Variants in PDE3A observed in about 807,000 individuals in gnomAD.
PDE3A encodes the protein cGMP-inhibited 3',5'-cyclic phosphodiesterase 3A.
Under a neutral mutation model 98.3 loss-of-function variants are expected in PDE3A, and 43 were observed. That is an observed-to-expected ratio of 0.44 (90% CI 0.34 to 0.56). The LOEUF (loss-of-function observed/expected upper bound fraction) is 0.56, where lower values mean the gene tolerates loss of function less well. Ranked by LOEUF, PDE3A falls within the 20% of genes least tolerant of loss-of-function variation. The probability of loss-of-function intolerance (pLI) is 0.01; values close to 1 mark genes in which losing one functional copy is unlikely to be tolerated. For synonymous variants in PDE3A, 663 were observed against 567.9 expected (o/e 1.17, Z -2.38); for missense variants, 1,427 against 1,440.7 (o/e 0.99, Z 0.15).
intron 1 of PDE3A, among the ~76,000 whole-genome samples, chr12:20,396,160 T>C (rs969127488): frequency 6.6e-6 from 1 of 152,134 alleles, no homozygotes; most frequent in Non-Finnish European, 1.5e-5. Flanking sequence ...AAAACCCTCA[T>C]AGCTCCCCAA....
intron 2 of PDE3A, among the ~76,000 whole-genome samples, chr12:20,558,727 T>A (rs1942435508): frequency 1.4e-5 from 2 of 145,864 alleles, no homozygotes; most frequent in Admixed American, 1.4e-4. Flanking sequence ...ATAACAATAA[T>A]GTTTTCATGT....
intron 6 of PDE3A, 123 bp from the exon 7 acceptor site, chr12:20,633,569 CA>C: frequency 1.9e-6 from 1 of 517,928 alleles, no homozygotes; most frequent in South Asian, 3.4e-5. Flanking sequence ...TTTCACAAAA[CA>C]AATAAGCAGA....
At chr12:20,520,880 G>C (rs984966841) in intron 1 of PDE3A, among the ~76,000 whole-genome samples, 4 of 152,162 alleles carry the variant, frequency 2.6e-5, no homozygotes, top group Non-Finnish European at 5.9e-5. Flanking sequence ...ACCCACTTGG[G>C]ACTCATGCTG....
At position 20,681,734 on chromosome 12, in the gene PDE3A, T is replaced by G. The variant is rs1222233194; in HGVS notation, c.*1463T>G. 1 of 152,104 alleles carries G rather than the reference T, an allele frequency of 6.6e-6. No individual in the cohort carries two copies. The allele number at this position is 152,104 out of a possible 1,614,324, so 9.4% of individuals were successfully genotyped here. A position where few individuals can be genotyped will look rare whatever the true frequency, so the allele number is the denominator to read the frequency against. On this transcript the variant is annotated 3_prime_UTR_variant, in exon 16 of 16. Transcript: ENST00000359062. Reference sequence around the variant, plus strand: ...TATTGAAAGTCTTTTTTTTTGTTTGTTTTGTTTTGGTTTGTTTGTTTATCT... The same window carrying G: ...TATTGAAAGTCTTTTTTTTTGTTTGGTTTGTTTTGGTTTGTTTGTTTATCT...
At position 20,574,317 on chromosome 12, in the gene PDE3A, G is replaced by T. The variant is rs149799794; in HGVS notation, c.1011+17607G>T. The stretch of plus-strand genomic sequence containing the variant: ...ATTACACATTTTAAAGTATAGTCCT[G>T]CAGGACTTCACATTAACTGAAATCA... On this transcript the variant is annotated intron_variant, in intron 2 of 15. Transcript: ENST00000359062. Among the ~76,000 whole-genome samples the T allele has an allele frequency of 6.0e-4, 92 of 152,178 alleles. No individual in the cohort carries two copies. The East Asian group carries it at 0.017, about 28-fold the overall frequency.
chr12:20,555,174 C>A (rs1378389274), intron 1 of PDE3A, among the ~76,000 whole-genome samples: 1 of 152,104 alleles, frequency 6.6e-6, no homozygotes, highest in Non-Finnish European at 1.5e-5. Flanking sequence ...CAGGTGCACA[C>A]TACCACGCCT....
chr12:20,572,665 G>A (rs534501399), intron 2 of PDE3A, among the ~76,000 whole-genome samples: 8 of 152,130 alleles, frequency 5.3e-5, no homozygotes, highest in Admixed American at 5.2e-4. Context: ...GAAGGAAAAT[G>A]AAATATATAA....
chr12:20,478,081 G>T (rs1158563204), intron 1 of PDE3A, among the ~76,000 whole-genome samples: 1 of 152,152 alleles, frequency 6.6e-6, no homozygotes, highest in Non-Finnish European at 1.5e-5. Context: ...TTCCAAAATA[G>T]TCTGTCAACA....
intron 1 of PDE3A, among the ~76,000 whole-genome samples, chr12:20,447,994 A>G (rs955690330): frequency 3.9e-5 from 6 of 152,202 alleles, no homozygotes; most frequent in Admixed American, 3.9e-4. Context: ...GTGTGAGAGT[A>G]GGAGAAACAA....
In PDE3A at chr12:20,400,415, T is replaced by G. The variant is rs1430863368; in HGVS notation, c.960+30171T>G. 2.6e-3 allele frequency among the ~76,000 whole-genome samples: 133 copies of G among 51,306 alleles called. 4 individuals carry two copies. The highest frequency in any genetic ancestry group is 7.6e-3 in the African/African-American group (130 of 17,050). The allele number at this position is 51,306 out of a possible 152,430, so 33.7% of individuals were successfully genotyped here. The stretch of plus-strand genomic sequence containing the variant: ...TTTTTTTTTTTTTTTTTTTTTTTTT[T>G]TTTTTTTTTGAGATGGAGTCTCGAT... On this transcript the variant is annotated intron_variant, in intron 1 of 15. Coordinates refer to ENST00000359062, the MANE Select transcript of PDE3A (RefSeq NM_000921.5).
At chr12:20,583,994 G>C (rs1943133757) in intron 2 of PDE3A, among the ~76,000 whole-genome samples, 1 of 152,184 alleles carries the variant, frequency 6.6e-6, no homozygotes. Flanking sequence ...CAGGTTCAGA[G>C]AGAGCCATCT....
chr12:20,551,780 C>T lies in PDE3A; in HGVS notation c.961-4880C>T, dbSNP rs553833334. On this transcript the variant is annotated intron_variant, in intron 1 of 15. Transcript: ENST00000359062. ...CGGCTGAGAGAGAGCAAGAAGAAGG[C>T]GAAGATGGCCTCGGCCACATCGTCC... 6 of 1,613,818 alleles carry T rather than the reference C, an allele frequency of 3.7e-6. No homozygotes were observed. The East Asian group carries it at 1.3e-4, about 36-fold the overall frequency.
chr12:20,582,276 C>G (rs1172212477), intron 2 of PDE3A, among the ~76,000 whole-genome samples: 1 of 152,100 alleles, frequency 6.6e-6, no homozygotes, highest in East Asian at 1.9e-4. Context: ...TCACTGCAAC[C>G]TCTGCCTCCA....
chr12:20,632,323 C>T (rs1466167625), intron 6 of PDE3A, among the ~76,000 whole-genome samples: 1 of 152,138 alleles, frequency 6.6e-6, no homozygotes, highest in African/African-American at 2.4e-5. Context: ...CTACCTACCT[C>T]TTCTCTTAGT....
At chr12:20,536,563 A>G (rs1941753702) in intron 1 of PDE3A, among the ~76,000 whole-genome samples, 1 of 152,076 alleles carries the variant, frequency 6.6e-6, no homozygotes, top group African/African-American at 2.4e-5. Flanking sequence ...TCCAGGCTTA[A>G]TCAATGACTA....
At chr12:20,634,860 C>T in intron 7 of PDE3A, 42 bp from the exon 8 acceptor site, 2 of 1,505,616 alleles carry the variant, frequency 1.3e-6, no homozygotes, top group Non-Finnish European at 1.8e-6. Flanking sequence ...CCCCCTTTCC[C>T]CATTGTAGAT....
At chr12:20,585,963 G>C (rs1029684773) in intron 2 of PDE3A, among the ~76,000 whole-genome samples, 4 of 152,126 alleles carry the variant, frequency 2.6e-5, no homozygotes, top group African/African-American at 9.7e-5. Context: ...CGGTTTTATG[G>C]GAGCATGGAT....
At chr12:20,439,956 G>A (rs192972371) in intron 1 of PDE3A, among the ~76,000 whole-genome samples, 1 of 152,110 alleles carries the variant, frequency 6.6e-6, no homozygotes, top group Non-Finnish European at 1.5e-5. Context: ...TCCCTACATA[G>A]TTTGATACCA....
intron 2 of PDE3A, among the ~76,000 whole-genome samples, chr12:20,564,175 T>TA (rs1565590370): frequency 6.6e-6 from 1 of 152,124 alleles, no homozygotes; most frequent in Non-Finnish European, 1.5e-5. Context: ...ATCCCTGGTC[T>TA]CTACCTAGTA....
Sources: gnomAD v4.1 joint callset for allele counts (sites outside exome capture counted in the v4.1 genomes callset) on GRCh38, gnomAD v4.1.1 for gene constraint, MANE v1.5 for transcripts, NCBI Gene and HGNC (gene_info 2026-07-23, HGNC 2026-07-21) for gene names.